Variants in BICRAL observed in about 807,000 individuals in gnomAD.
BICRAL encodes the protein BRD4-interacting chromatin-remodeling complex-associated protein-like.
Under a neutral mutation model 91.8 loss-of-function variants are expected in BICRAL, and 8 were observed. The observed-to-expected ratio is 0.09, with a 90% confidence interval of 0.05 to 0.16. The LOEUF (loss-of-function observed/expected upper bound fraction) is 0.16. BICRAL is among the 10% of genes least tolerant of loss of function. The pLI is 1.00. For missense variants in BICRAL, 1,038 were observed against 1,310.9 expected (o/e 0.79, Z 3.21); for synonymous variants, 445 against 491.1 (o/e 0.91, Z 1.24).
chr6:42,855,810 C>A, intron 8 of BICRAL, 46 bp from the exon 9 acceptor site: 1 of 1,475,556 alleles, frequency 6.8e-7, no homozygotes. Context: ...TAACTGTATT[C>A]TTTTTTCTAT....
chr6:42,809,668 GT>G (rs1405289178), intron 1 of BICRAL, among the ~76,000 whole-genome samples: 5 of 151,798 alleles, frequency 3.3e-5, no homozygotes, highest in Middle Eastern at 3.2e-3. Flanking sequence ...TAGAGATGGG[GT>G]TTTGCCATGT....
At chr6:42,802,317 G>T (rs1285042116) in intron 1 of BICRAL, among the ~76,000 whole-genome samples, 2 of 152,088 alleles carry the variant, frequency 1.3e-5, no homozygotes, top group East Asian at 3.8e-4. Flanking sequence ...AATAAAACTA[G>T]AAATCAGATA....
chr6:42,839,915 C>G (rs541247705), intron 6 of BICRAL, among the ~76,000 whole-genome samples: 1 of 152,138 alleles, frequency 6.6e-6, no homozygotes, highest in African/African-American at 2.4e-5. Context: ...CAGCCATTCC[C>G]GAAGGAGCCT....
intron 1 of BICRAL, among the ~76,000 whole-genome samples, chr6:42,768,351 G>A (rs537559406): frequency 6.6e-6 from 1 of 152,210 alleles, no homozygotes; most frequent in Non-Finnish European, 1.5e-5. Flanking sequence ...TGGATGGTCT[G>A]AGAGGACCTT....
intron 6 of BICRAL, among the ~76,000 whole-genome samples, chr6:42,831,950 G>T (rs1222030267): frequency 6.6e-6 from 1 of 151,610 alleles, no homozygotes; most frequent in African/African-American, 2.4e-5. Flanking sequence ...TGTCGCCCAG[G>T]CTGGTCTCGA....
intron 1 of BICRAL, among the ~76,000 whole-genome samples, chr6:42,751,022 G>A (rs938876963): frequency 2.1e-5 from 3 of 143,140 alleles, no homozygotes; most frequent in East Asian, 2.0e-4. Flanking sequence ...TTTAAGCCCC[G>A]TATGCATTAG....
chr6:42,785,991 G>A (rs184615995), intron 1 of BICRAL, among the ~76,000 whole-genome samples: 52 of 152,298 alleles, frequency 3.4e-4, no homozygotes, highest in African/African-American at 1.2e-3. Flanking sequence ...GGAGACGGAG[G>A]TTGTAGTGAG....
intron 2 of BICRAL, among the ~76,000 whole-genome samples, chr6:42,816,644 T>C (rs1406557570): frequency 2.0e-5 from 3 of 152,128 alleles, no homozygotes; most frequent in Admixed American, 6.6e-5. Flanking sequence ...CTCCTTGTTT[T>C]ATTAATTGTT....
At chr6:42,781,421 C>T (rs1271675444), upstream of BICRAL, among the ~76,000 whole-genome samples, 1 of 152,070 alleles carries the variant, frequency 6.6e-6, no homozygotes, top group Non-Finnish European at 1.5e-5. Flanking sequence ...TTAGGATGAA[C>T]CAGTTATTTG....
chr6:42,752,692 C>T (rs1371829843), intron 1 of BICRAL, among the ~76,000 whole-genome samples: 1 of 152,062 alleles, frequency 6.6e-6, no homozygotes, highest in African/African-American at 2.4e-5. Flanking sequence ...CAGCCTCCAC[C>T]TCCCAGGTTC....
At chr6:42,824,868 A>T (rs529884491) in intron 5 of BICRAL, among the ~76,000 whole-genome samples, 7 of 152,310 alleles carry the variant, frequency 4.6e-5, no homozygotes, top group African/African-American at 1.7e-4. Flanking sequence ...CATGCCTATA[A>T]TCCCACCATT....
At chr6:42,795,704 A>G (rs1482780694) in intron 1 of BICRAL, among the ~76,000 whole-genome samples, 2 of 152,188 alleles carry the variant, frequency 1.3e-5, no homozygotes, top group African/African-American at 2.4e-5. Flanking sequence ...AATATGTTCC[A>G]TTCTTTTAAG....
In BICRAL at chr6:42,828,688, A is replaced by G; in HGVS notation, c.355A>G (p.Thr119Ala). 6.2e-7 allele frequency: 1 copy of G among 1,614,160 alleles called. No individual in the cohort carries two copies. ...GCAAGAGGCCAATATCACTGAACAG[A>G]CATTGGCAGAAGAGGCATATTTGGA... ...SLQEANITEQ[T>A]LAEEAYLDAS... is the part of the protein sequence containing the mutation. The change falls in exon 6 of 13, where the codon ACA (threonine) becomes GCA (alanine). Residue 119 changes from threonine to alanine, a missense_variant. Thr to Ala is a moderately conservative substitution (Grantham distance 58). Around this residue, in one of 5 missense-constraint regions of BICRAL, gnomAD observed 5 missense variants for 24.0 expected, o/e 0.21. Transcript: ENST00000314073.
chr6:42,813,571 A>T (rs1381734126), intron 2 of BICRAL, among the ~76,000 whole-genome samples: 1 of 151,952 alleles, frequency 6.6e-6, no homozygotes, highest in Non-Finnish European at 1.5e-5. Flanking sequence ...CCAGGCTGGA[A>T]TGCAGTCACA....
At chr6:42,783,130 C>CCACGTT (rs1762976692) in intron 1 of BICRAL, among the ~76,000 whole-genome samples, 1 of 144,940 alleles carries the variant, frequency 6.9e-6, no homozygotes. Flanking sequence ...GTCGCCCCGG[C>CCACGTT]CCCGTTCCCG....
chr6:42,806,149 G>A (rs1485311023), intron 1 of BICRAL, among the ~76,000 whole-genome samples: 3 of 152,166 alleles, frequency 2.0e-5, no homozygotes, highest in South Asian at 4.1e-4. Context: ...CCAAGATAAC[G>A]GGATTCTCCC....
chr6:42,857,614 A>AAAAAAAAAAT, intron 10 of BICRAL, among the ~76,000 whole-genome samples: 7 of 96,238 alleles, frequency 7.3e-5, no homozygotes, highest in Non-Finnish European at 1.3e-4. Flanking sequence ...AAAAAAAAAA[A>AAAAAAAAAAT]ATATATATAT....
rs761240051 is a variant in BICRAL at position 42,810,384 on chromosome 6, A to C, written c.-23A>C. 21 of 152,204 alleles carry C rather than the reference A, an allele frequency of 1.4e-4. No homozygotes were observed. The highest frequency in any genetic ancestry group is 1.5e-5 in the Non-Finnish European group (1 of 68,030). The allele number at this position is 152,204 out of a possible 1,614,324, so 9.4% of individuals were successfully genotyped here. A position where few individuals can be genotyped will look rare whatever the true frequency, so the allele number is the denominator to read the frequency against. On this transcript the variant is annotated 5_prime_UTR_variant, in exon 2 of 13. Coordinates refer to ENST00000314073, the MANE Select transcript of BICRAL (RefSeq NM_001393499.1). ...GGGAACTCCTGCCAAAAATTGTAGC[A>C]CTTCTCACATTGCAATGGTAATGAA...
chr6:42,768,202 A>G (rs1430820285), intron 1 of BICRAL, among the ~76,000 whole-genome samples: 5 of 152,218 alleles, frequency 3.3e-5, no homozygotes, highest in African/African-American at 9.6e-5. Context: ...TCGAAAGCCA[A>G]TCTGTGAATT....
Sources: allele counts gnomAD v4.1 joint callset (sites outside exome capture counted in the v4.1 genomes callset), GRCh38; gene constraint gnomAD v4.1.1; regional missense constraint gnomAD v4.1.1; transcripts MANE v1.5; gene names NCBI Gene and HGNC (gene_info 2026-07-23, HGNC 2026-07-21).